Variants in CDH8 observed in about 807,000 individuals in gnomAD.
CDH8 encodes cadherin 8.
Under a neutral mutation model 68.1 loss-of-function variants are expected in CDH8, and 17 were observed. The ratio of observed to expected loss-of-function variants is 0.25; its 90% CI spans 0.17 to 0.37. The LOEUF (loss-of-function observed/expected upper bound fraction) is 0.37, where lower values mean the gene tolerates loss of function less well. CDH8 is among the 10% of genes least tolerant of loss of function. The pLI is 1.00. For synonymous variants in CDH8, 372 were observed against 365.1 expected (o/e 1.02, Z -0.21); for missense variants, 763 against 999.3 (o/e 0.76, Z 3.19).
intron 10 of CDH8, among the ~76,000 whole-genome samples, chr16:61,677,541 C>A (rs571008396): frequency 1.3e-5 from 2 of 151,918 alleles, no homozygotes; most frequent in East Asian, 3.9e-4. Flanking sequence ...TTTATACAGT[C>A]AGAAAATTAC....
intron 10 of CDH8, among the ~76,000 whole-genome samples, chr16:61,661,516 G>C (rs1198984224): frequency 2.6e-5 from 4 of 151,390 alleles, no homozygotes; most frequent in Non-Finnish European, 5.9e-5. Flanking sequence ...AAAGCAAAAG[G>C]GAAATTTAAA....
At chr16:61,739,329 T>C (rs1395393780) in intron 8 of CDH8, among the ~76,000 whole-genome samples, 1 of 152,110 alleles carries the variant, frequency 6.6e-6, no homozygotes, top group Non-Finnish European at 1.5e-5. Context: ...CTTTACAACA[T>C]AGTGACCCCA....
At chr16:61,955,116 G>A (rs1464073437) in intron 2 of CDH8, among the ~76,000 whole-genome samples, 2 of 152,184 alleles carry the variant, frequency 1.3e-5, no homozygotes, top group Non-Finnish European at 2.9e-5. Flanking sequence ...ATCCTCCACT[G>A]TAGACTATTG....
intron 8 of CDH8, among the ~76,000 whole-genome samples, chr16:61,761,926 C>T (rs1021294408): frequency 8.5e-5 from 13 of 152,148 alleles, no homozygotes; most frequent in African/African-American, 3.1e-4. Flanking sequence ...CTTGAACCTA[C>T]AGGTGTTGAG....
intron 10 of CDH8, among the ~76,000 whole-genome samples, chr16:61,676,194 G>A (rs1963906617): frequency 1.4e-5 from 2 of 142,272 alleles, no homozygotes; most frequent in African/African-American, 2.6e-5. Flanking sequence ...TAAAGACAAA[G>A]AAAATTTAAC....
chr16:61,719,865 G>C (rs969484500), intron 9 of CDH8, among the ~76,000 whole-genome samples: 3 of 150,836 alleles, frequency 2.0e-5, no homozygotes, highest in East Asian at 3.9e-4. Context: ...TGGCAAACTC[G>C]AGATACCATA....
At chr16:61,844,031 G>A (rs1962744984) in intron 4 of CDH8, among the ~76,000 whole-genome samples, 1 of 151,942 alleles carries the variant, frequency 6.6e-6, no homozygotes, top group African/African-American at 2.4e-5. Flanking sequence ...CAACCGAAAT[G>A]TCCAACAACG....
intron 2 of CDH8, among the ~76,000 whole-genome samples, chr16:61,913,036 G>A (rs1200952760): frequency 6.6e-6 from 1 of 152,080 alleles, no homozygotes; most frequent in African/African-American, 2.4e-5. Flanking sequence ...GGTATGATAA[G>A]TACAAGTTGA....
chr16:61,655,816 C>T, intron 10 of CDH8, 95 bp from the exon 11 acceptor site: 1 of 1,064,860 alleles, frequency 9.4e-7, no homozygotes, highest in South Asian at 1.5e-5. Flanking sequence ...TTGCAAACCT[C>T]AAGACAATCC....
At chr16:62,030,991 C>A (rs1217064600) in intron 1 of CDH8, among the ~76,000 whole-genome samples, 2 of 151,998 alleles carry the variant, frequency 1.3e-5, no homozygotes, top group Non-Finnish European at 2.9e-5. Context: ...AGAAGGAGGG[C>A]AGGAAGGAGA....
intron 7 of CDH8, among the ~76,000 whole-genome samples, chr16:61,799,518 G>A (rs569316177): frequency 6.6e-6 from 1 of 152,080 alleles, no homozygotes; most frequent in South Asian, 2.1e-4. Context: ...GTTTATAGTT[G>A]TAAAATGGGG....
At chr16:62,027,437 C>G (rs1333291576) in intron 1 of CDH8, among the ~76,000 whole-genome samples, 3 of 152,124 alleles carry the variant, frequency 2.0e-5, no homozygotes, top group African/African-American at 7.2e-5. Context: ...AAAACAAAAA[C>G]AGGCTTTTAC....
At chr16:61,971,599 T>G (rs971699693) in intron 2 of CDH8, among the ~76,000 whole-genome samples, 2 of 152,192 alleles carry the variant, frequency 1.3e-5, no homozygotes, top group African/African-American at 4.8e-5. Context: ...TTCAGTTCTT[T>G]TGAATTTTTA....
intron 2 of CDH8, among the ~76,000 whole-genome samples, chr16:61,919,412 T>C (rs1290379783): frequency 6.8e-6 from 1 of 146,460 alleles, no homozygotes; most frequent in Non-Finnish European, 1.5e-5. Context: ...AGTTGGAAAC[T>C]TTGAAAAAAA....
At chr16:62,011,384 G>A (rs1349556833) in intron 2 of CDH8, among the ~76,000 whole-genome samples, 1 of 152,182 alleles carries the variant, frequency 6.6e-6, no homozygotes, top group Non-Finnish European at 1.5e-5. Context: ...CTGCAATGTG[G>A]AAGGAGTCCC....
At chr16:61,781,379 G>T (rs1961049525) in intron 8 of CDH8, among the ~76,000 whole-genome samples, 1 of 152,114 alleles carries the variant, frequency 6.6e-6, no homozygotes, top group Non-Finnish European at 1.5e-5. Flanking sequence ...GATCAGTGGA[G>T]GTGAGGAGTT....
chr16:61,654,987 A>G (rs547032230), intron 11 of CDH8, among the ~76,000 whole-genome samples: 1 of 152,360 alleles, frequency 6.6e-6, no homozygotes, highest in South Asian at 2.1e-4. Flanking sequence ...TATCAGAGAA[A>G]TGCAATGGTA....
intron 3 of CDH8, among the ~76,000 whole-genome samples, chr16:61,900,032 T>C (rs1381698711): frequency 2.0e-5 from 3 of 152,214 alleles, no homozygotes; most frequent in Non-Finnish European, 4.4e-5. Context: ...AGACACTATA[T>C]GTCTGTATAC....
In CDH8 at chr16:61,891,653, T is replaced by A. The variant is rs576865248; in HGVS notation, c.547+9526A>T. 4.7e-4 allele frequency among the ~76,000 whole-genome samples: 72 copies of A among 152,282 alleles called. 1 individual carries two copies. Among genetic ancestry groups the A allele is most frequent in the African/African-American group, 1.6e-3 (66 of 41,580 alleles). ...TAGCTTCTTTAAGCAGAAGAGAAAC[T>A]ACAGACTCCTCACCCCATTGTAGAG... On this transcript the variant is annotated intron_variant, in intron 3 of 11. Coordinates refer to ENST00000577390, the MANE Select transcript of CDH8 (RefSeq NM_001796.5).
Sources: allele counts gnomAD v4.1 joint callset (sites outside exome capture counted in the v4.1 genomes callset), GRCh38; gene constraint gnomAD v4.1.1; transcripts MANE v1.5; gene names NCBI Gene and HGNC (gene_info 2026-07-23, HGNC 2026-07-21).